GALNT17: variants seen among roughly 807,000 people sequenced by gnomAD.
GALNT17 encodes UDP-GalNAc:polypeptide N-acetylgalactosaminyltransferase-like 3.
In GALNT17, 29 loss-of-function variants were observed where a neutral mutation model predicts 63.7. The ratio of observed to expected loss-of-function variants is 0.46; its 90% CI spans 0.34 to 0.62. GALNT17 has a LOEUF of 0.62. Among genes scored for constraint, GALNT17 ranks in the 20% least tolerant of loss-of-function variants. The pLI, the probability that GALNT17 is intolerant of heterozygous loss-of-function variation, is 0.01. For synonymous variants in GALNT17, 305 were observed against 318.3 expected (o/e 0.96, Z 0.45); for missense variants, 603 against 799.6 (o/e 0.75, Z 2.97).
intron 1 of GALNT17, among the ~76,000 whole-genome samples, chr7:71,169,676 C>T (rs921154935): frequency 1.3e-5 from 2 of 152,206 alleles, no homozygotes; most frequent in Non-Finnish European, 2.9e-5. Flanking sequence ...CCACCTCAGC[C>T]TCCAGAGTAG....
At chr7:71,346,026 T>TAAAAAAAAAAAA (rs35499113) in intron 2 of GALNT17, among the ~76,000 whole-genome samples, 1 of 127,226 alleles carries the variant, frequency 7.9e-6, no homozygotes, top group African/African-American at 2.9e-5. Flanking sequence ...TACTAAAAAT[T>TAAAAAAAAAAAA]AAAAAAAAAA....
At position 71,441,795 on chromosome 7, in the gene GALNT17, C is replaced by T. The variant is rs1171827904; in HGVS notation, c.962+20690C>T. ...ATGGTTTCCAGCTACATCCATGTCC[C>T]TGCAAAGGACATGAACTCATTCTTT... On this transcript the variant is annotated intron_variant, in intron 5 of 10. Transcript: ENST00000333538. Among the ~76,000 whole-genome samples, 3 of 152,176 alleles carry T rather than the reference C, an allele frequency of 2.0e-5. No homozygotes were observed. The East Asian group carries it at 5.8e-4, about 29-fold the overall frequency.
chr7:71,555,989 A>G (rs1789157699), intron 5 of GALNT17, among the ~76,000 whole-genome samples: 2 of 152,230 alleles, frequency 1.3e-5, no homozygotes, highest in African/African-American at 4.8e-5. Context: ...TTTTCTTTCT[A>G]TCTCAGCTCT....
chr7:71,520,086 A>T (rs1180519793), intron 5 of GALNT17, among the ~76,000 whole-genome samples: 8 of 152,170 alleles, frequency 5.3e-5, no homozygotes, highest in Non-Finnish European at 1.2e-4. Flanking sequence ...CTCACAGTCT[A>T]TGAAGGAGAC....
chr7:71,512,149 T>C (rs1788367413), intron 5 of GALNT17, among the ~76,000 whole-genome samples: 1 of 151,830 alleles, frequency 6.6e-6, no homozygotes, highest in Non-Finnish European at 1.5e-5. Context: ...ACTACAGGTG[T>C]GTGCCACCAT....
At chr7:71,675,785 G>A (rs893779116) in intron 8 of GALNT17, among the ~76,000 whole-genome samples, 5 of 152,124 alleles carry the variant, frequency 3.3e-5, no homozygotes, top group African/African-American at 1.2e-4. Context: ...TCAGGAGTTC[G>A]AGATCAGCCT....
chr7:71,627,052 C>A (rs2116981795), intron 6 of GALNT17, among the ~76,000 whole-genome samples: 1 of 152,236 alleles, frequency 6.6e-6, no homozygotes, highest in African/African-American at 2.4e-5. Context: ...CAGTTTTTCC[C>A]CAAAGTATGT....
chr7:71,138,863 T>C (rs906771623), intron 1 of GALNT17, among the ~76,000 whole-genome samples: 1 of 152,204 alleles, frequency 6.6e-6, no homozygotes, highest in African/African-American at 2.4e-5. Context: ...TAATCCCAGC[T>C]ACTCTGGAGG....
At chr7:71,297,112 A>G (rs1004763555) in intron 1 of GALNT17, among the ~76,000 whole-genome samples, 6 of 152,218 alleles carry the variant, frequency 3.9e-5, no homozygotes, top group Non-Finnish European at 7.3e-5. Flanking sequence ...GCCAGATGGA[A>G]TAAGCAAGAA....
At chr7:71,369,564 G>A (rs969319565) in intron 2 of GALNT17, among the ~76,000 whole-genome samples, 1 of 152,142 alleles carries the variant, frequency 6.6e-6, no homozygotes, top group African/African-American at 2.4e-5. Context: ...TGTAATCCCA[G>A]CACTTTGGGA....
intron 5 of GALNT17, among the ~76,000 whole-genome samples, chr7:71,424,207 T>A (rs1416329286): frequency 1.3e-5 from 2 of 152,160 alleles, no homozygotes; most frequent in Non-Finnish European, 2.9e-5. Flanking sequence ...TAATGGCGAG[T>A]GCTTGAAGAC....
intron 2 of GALNT17, among the ~76,000 whole-genome samples, chr7:71,365,598 G>A (rs1348827615): frequency 6.6e-6 from 1 of 152,162 alleles, no homozygotes; most frequent in Non-Finnish European, 1.5e-5. Flanking sequence ...AGCATAGTAA[G>A]CACTGTATTG....
intron 5 of GALNT17, among the ~76,000 whole-genome samples, chr7:71,512,014 C>CTT (rs11409175): frequency 0.21 from 27,497 of 131,408 alleles, 3,258 homozygotes; most frequent in Middle Eastern, 0.29. Context: ...GGGTTCCAGC[C>CTT]TTTTTTTTTT....
intron 5 of GALNT17, among the ~76,000 whole-genome samples, chr7:71,427,286 C>T (rs1455576592): frequency 3.3e-5 from 5 of 151,312 alleles, no homozygotes; most frequent in African/African-American, 9.7e-5. Flanking sequence ...TTAGTAGAGA[C>T]GAGGTTTTAC....
chr7:71,518,589 T>A (rs1788479705), intron 5 of GALNT17, among the ~76,000 whole-genome samples: 1 of 152,194 alleles, frequency 6.6e-6, no homozygotes, highest in Non-Finnish European at 1.5e-5. Flanking sequence ...CCAGAATATC[T>A]CCTCACTTAG....
Position 71,158,225 on chromosome 7 carries a change from G to C in GALNT17, c.238+25185G>C, listed in dbSNP as rs79831479. The stretch of plus-strand genomic sequence containing the variant: ...GACCTCCATATGGTTCTCCATAGTG[G>C]CTGGGCTCATTTCTCAATCAATGGG... On this transcript the variant is annotated intron_variant, in intron 1 of 10. Coordinates refer to ENST00000333538, the MANE Select transcript of GALNT17 (RefSeq NM_022479.3). 1.3e-3 allele frequency among the ~76,000 whole-genome samples: 194 copies of C among 151,306 alleles called. 9 individuals carry two copies. The highest frequency in any genetic ancestry group is 4.6e-3 in the African/African-American group (190 of 40,918).
At chr7:71,532,951 G>C (rs965689621) in intron 5 of GALNT17, among the ~76,000 whole-genome samples, 1 of 152,148 alleles carries the variant, frequency 6.6e-6, no homozygotes, top group Non-Finnish European at 1.5e-5. Flanking sequence ...ACTGGGGAGA[G>C]TGTGTGCCCC....
chr7:71,681,562 T>G (rs1011432011), intron 9 of GALNT17, among the ~76,000 whole-genome samples: 70 of 152,154 alleles, frequency 4.6e-4, no homozygotes, highest in Non-Finnish European at 1.5e-4. Flanking sequence ...GGCAGCAAGA[T>G]CCCAGAGGCT....
chr7:71,540,369 C>T (rs949460644), intron 5 of GALNT17, among the ~76,000 whole-genome samples: 3 of 149,382 alleles, frequency 2.0e-5, no homozygotes, highest in African/African-American at 4.9e-5. Flanking sequence ...CACCCACCTT[C>T]GCCTCCCAAA....
Sources: gnomAD v4.1 joint callset for allele counts (sites outside exome capture counted in the v4.1 genomes callset) on GRCh38, gnomAD v4.1.1 for gene constraint, MANE v1.5 for transcripts, NCBI Gene and HGNC (gene_info 2026-07-23, HGNC 2026-07-21) for gene names.